YPEL2: variants seen among roughly 807,000 people sequenced by gnomAD.
YPEL2 encodes yippee like 2.
A neutral mutation model predicts 19.1 loss-of-function variants in YPEL2; 2 were observed. The ratio of observed to expected loss-of-function variants is 0.10; its 90% CI spans 0.04 to 0.33. YPEL2 has a LOEUF of 0.33. Ranked by LOEUF, YPEL2 falls within the 10% of genes least tolerant of loss-of-function variation. The pLI is 1.00. For synonymous variants in YPEL2, 52 were observed against 50.0 expected, an observed-to-expected ratio of 1.04 and a Z score of -0.17; for missense variants, 66 against 140.7, an observed-to-expected ratio of 0.47 and a Z score of 2.68.
chr17:59,337,395 T>C (rs1377329268), intron 1 of YPEL2, among the ~76,000 whole-genome samples: 1 of 151,908 alleles, frequency 6.6e-6, no homozygotes, highest in African/African-American at 2.4e-5. Context: ...TTCACCGTGT[T>C]AGCCAGGATG....
chr17:59,397,133 A>G lies in YPEL2; in HGVS notation c.303A>G (p.Lys101=), dbSNP rs2048043657. The G allele has an allele frequency of 6.2e-7, 1 of 1,612,842 alleles. No homozygotes were observed. Among genetic ancestry groups the G allele is most frequent in the Non-Finnish European group, 8.5e-7 (1 of 1,179,480 alleles). The change falls in exon 5 of 5, where the codon AAA becomes AAG. Residue 101 remains lysine (K), a synonymous_variant. Coordinates refer to ENST00000312655, the MANE Select transcript of YPEL2 (RefSeq NM_001005404.4). ...EHAFESSQKY[K]EGKYIIELAH... is the part of the protein sequence containing the mutation. The stretch of plus-strand genomic sequence containing the variant: ...CTTTTGAAAGCAGCCAGAAATATAA[A>G]GAAGGCAAATACATCATTGAACTAG...
At chr17:59,334,021 T>A (rs2047685718) in intron 1 of YPEL2, among the ~76,000 whole-genome samples, 2 of 152,178 alleles carry the variant, frequency 1.3e-5, no homozygotes, top group Non-Finnish European at 2.9e-5. Context: ...TTGAAAAGTC[T>A]AAGGGCACAG....
intron 2 of YPEL2, among the ~76,000 whole-genome samples, chr17:59,371,716 A>G (rs1232325531): frequency 6.6e-6 from 1 of 152,238 alleles, no homozygotes; most frequent in African/African-American, 2.4e-5. Context: ...TGCACCAGCC[A>G]CAGCACAGAC....
chr17:59,351,090 A>G (rs1317225555), intron 1 of YPEL2, among the ~76,000 whole-genome samples: 1 of 152,152 alleles, frequency 6.6e-6, no homozygotes, highest in Non-Finnish European at 1.5e-5. Flanking sequence ...AGAAAGGTGG[A>G]AGGGCCAGGT....
intron 2 of YPEL2, among the ~76,000 whole-genome samples, chr17:59,375,495 A>G (rs576781132): frequency 7.9e-5 from 12 of 152,302 alleles, no homozygotes; most frequent in African/African-American, 2.2e-4. Flanking sequence ...CAGTCTTGAG[A>G]TGAAAAAGCT....
Position 59,400,938 on chromosome 17 carries a change from C to T in YPEL2, c.*3748C>T, listed in dbSNP as rs962746936. The T allele has an allele frequency of 2.0e-5, 3 of 152,562 alleles. No individual in the cohort carries two copies. The highest frequency in any genetic ancestry group is 7.2e-5 in the African/African-American group (3 of 41,428). The allele number at this position is 152,562 out of a possible 1,614,324, so 9.5% of individuals were successfully genotyped here. A position where few individuals can be genotyped will look rare whatever the true frequency, so the allele number is the denominator to read the frequency against. ...AGTATGGAGCTGTTGCGGGTTTGCT[C>T]CTTTTTCTTGCTTTGCGTGCTCAGT... On this transcript the variant is annotated 3_prime_UTR_variant, in exon 5 of 5. Coordinates refer to ENST00000312655, the MANE Select transcript of YPEL2 (RefSeq NM_001005404.4).
chr17:59,372,262 A>T (rs2047900685), intron 2 of YPEL2, among the ~76,000 whole-genome samples: 2 of 152,254 alleles, frequency 1.3e-5, no homozygotes, highest in Non-Finnish European at 2.9e-5. Context: ...GGGGAAGATG[A>T]TTAAAAATAG....
At chr17:59,349,895 G>A (rs888440229) in intron 1 of YPEL2, among the ~76,000 whole-genome samples, 23 of 151,668 alleles carry the variant, frequency 1.5e-4, no homozygotes, top group Admixed American at 8.5e-4. Flanking sequence ...TCTTGACCTC[G>A]TGATCCGCCC....
At position 59,371,610 on chromosome 17, in the gene YPEL2, A is replaced by T. The variant is rs554264360; in HGVS notation, c.118-16717A>T. On this transcript the variant is annotated intron_variant, in intron 2 of 4. Transcript: ENST00000312655. ...GACTCCCTGTCCAGACCTCTCAGAGATGTTTCATTCCTTGGGCTGGGTTGA... is the reference window on the plus strand; with the variant it reads ...GACTCCCTGTCCAGACCTCTCAGAGTTGTTTCATTCCTTGGGCTGGGTTGA... Among the ~76,000 whole-genome samples the T allele has an allele frequency of 2.0e-5, 3 of 152,166 alleles. No homozygotes were observed. In the South Asian group the frequency reaches 6.2e-4, roughly 32 times the overall value.
intron 1 of YPEL2, among the ~76,000 whole-genome samples, chr17:59,348,543 C>T (rs1211653513): frequency 6.6e-6 from 1 of 152,220 alleles, no homozygotes; most frequent in East Asian, 1.9e-4. Flanking sequence ...ATTTGTCTCT[C>T]GAGGTGGTGT....
chr17:59,390,460 G>T (rs530271082), intron 4 of YPEL2, among the ~76,000 whole-genome samples: 1 of 152,200 alleles, frequency 6.6e-6, no homozygotes, highest in African/African-American at 2.4e-5. Flanking sequence ...CCCATGTTCT[G>T]AAGCCACTGT....
At chr17:59,335,775 C>A (rs2047695865) in intron 1 of YPEL2, among the ~76,000 whole-genome samples, 1 of 152,142 alleles carries the variant, frequency 6.6e-6, no homozygotes, top group African/African-American at 2.4e-5. Context: ...TCTTGAACTC[C>A]TGACCTCAGG....
In YPEL2 at chr17:59,389,380, C is replaced by T. The variant is rs1205816447; in HGVS notation, c.182C>T (p.Pro61Leu). Residue 61 changes from proline to leucine, a missense_variant, in exon 4 of 5, where the codon CCT (proline) becomes CTT (leucine). Transcript: ENST00000312655. ...CATAGAGTTAATGTGGGCTGTGGGCCTGCAGAAGAGCGAGTGTTGCTAACA... is the reference window on the plus strand; with the variant it reads ...CATAGAGTTAATGTGGGCTGTGGGCTTGCAGAAGAGCGAGTGTTGCTAACA... ...FNSVVNVGCG[P>L]AEERVLLTGL... 2 of 1,614,000 alleles carry T rather than the reference C, an allele frequency of 1.2e-6. No individual in the cohort carries two copies. The highest frequency in any genetic ancestry group is 2.2e-5 in the East Asian group (1 of 44,888).
intron 2 of YPEL2, among the ~76,000 whole-genome samples, chr17:59,359,809 A>G (rs1199741238): frequency 6.6e-6 from 1 of 152,270 alleles, no homozygotes; most frequent in Non-Finnish European, 1.5e-5. Context: ...GAGCAGTGGT[A>G]CTAAGAAACA....
chr17:59,366,687 C>T (rs1036975535), intron 2 of YPEL2, among the ~76,000 whole-genome samples: 5 of 152,172 alleles, frequency 3.3e-5, no homozygotes, highest in African/African-American at 1.2e-4. Flanking sequence ...CACAGCTGGC[C>T]TTTCCCCTTC....
intron 1 of YPEL2, among the ~76,000 whole-genome samples, chr17:59,352,854 G>T (rs959410920): frequency 1.3e-5 from 2 of 152,172 alleles, no homozygotes; most frequent in Non-Finnish European, 2.9e-5. Context: ...CACTCACCTT[G>T]GTTGGCTCAG....
At chr17:59,334,587 C>G (rs958930791) in intron 1 of YPEL2, among the ~76,000 whole-genome samples, 1 of 151,828 alleles carries the variant, frequency 6.6e-6, no homozygotes, top group Non-Finnish European at 1.5e-5. Context: ...CACACACACA[C>G]ACACACACAC....
intron 2 of YPEL2, chr17:59,355,070 C>T (rs1567738927): frequency 6.6e-6 from 1 of 151,772 alleles, no homozygotes; most frequent in African/African-American, 2.4e-5. Flanking sequence ...GGAAGCAGTG[C>T]CATGTATCAT....
At chr17:59,379,953 C>T (rs763016655) in intron 2 of YPEL2, among the ~76,000 whole-genome samples, 18 of 151,250 alleles carry the variant, frequency 1.2e-4, no homozygotes, top group Middle Eastern at 3.4e-3. Flanking sequence ...CTCTACCTCC[C>T]GGGTTCACGT....
Sources: allele counts gnomAD v4.1 joint callset (sites outside exome capture counted in the v4.1 genomes callset), GRCh38; gene constraint gnomAD v4.1.1; transcripts MANE v1.5; gene names NCBI Gene and HGNC (gene_info 2026-07-23, HGNC 2026-07-21).